Variants in ERC2 observed in about 807,000 individuals in gnomAD.
ERC2 encodes ELKS/RAB6-interacting/CAST family member 2, also known as ERC protein 2.
In ERC2, 42 loss-of-function variants were observed where a neutral mutation model predicts 114.8. The observed-to-expected ratio is 0.37, with a 90% CI of 0.29 to 0.47. The LOEUF (loss-of-function observed/expected upper bound fraction) is 0.47. Ranked by LOEUF, ERC2 falls within the 20% of genes least tolerant of loss-of-function variation. The probability of loss-of-function intolerance (pLI) is 0.99; values close to 1 mark genes in which losing one functional copy is unlikely to be tolerated. For missense variants in ERC2, 939 were observed against 1,150.7 expected, an observed-to-expected ratio of 0.82 and a Z score of 2.66; for synonymous variants, 454 against 425.5, an observed-to-expected ratio of 1.07 and a Z score of -0.82.
intron 3 of ERC2, among the ~76,000 whole-genome samples, chr3:56,290,100 C>A (rs569089082): frequency 3.9e-5 from 6 of 152,154 alleles, no homozygotes; most frequent in Non-Finnish European, 8.8e-5. Flanking sequence ...TCAACATATG[C>A]CCAATGATGT....
At chr3:55,790,736 C>T (rs75803370) in intron 14 of ERC2, among the ~76,000 whole-genome samples, 5,073 of 152,290 alleles carry the variant, frequency 0.033, 127 homozygotes, top group South Asian at 0.085. Context: ...TTCAGTGAAG[C>T]TTGGGACTAA....
intron 2 of ERC2, among the ~76,000 whole-genome samples, chr3:56,370,646 G>A (rs2059330710): frequency 7.0e-6 from 1 of 142,616 alleles, no homozygotes; most frequent in Non-Finnish European, 1.5e-5. Flanking sequence ...CCAGGCTGTA[G>A]TGCAGTGGCG....
intron 6 of ERC2, among the ~76,000 whole-genome samples, chr3:56,126,998 T>C (rs1012460269): frequency 2.6e-5 from 4 of 151,714 alleles, no homozygotes; most frequent in Admixed American, 1.3e-4. Context: ...AAAATCAATA[T>C]ACAAAAATCA....
intron 17 of ERC2, among the ~76,000 whole-genome samples, chr3:55,580,026 T>C (rs2057180309): frequency 1.3e-5 from 2 of 152,196 alleles, no homozygotes; most frequent in Admixed American, 1.3e-4. Context: ...CTCAGGGACA[T>C]AGGAAGAGAA....
chr3:55,558,216 G>A (rs543920547), intron 17 of ERC2, among the ~76,000 whole-genome samples: 1 of 152,274 alleles, frequency 6.6e-6, no homozygotes, highest in African/African-American at 2.4e-5. Context: ...TTGACTAAAT[G>A]CCCTACTATT....
chr3:55,582,538 A>G (rs2057314592), intron 17 of ERC2, among the ~76,000 whole-genome samples: 2 of 152,190 alleles, frequency 1.3e-5, no homozygotes, highest in Admixed American at 6.5e-5. Context: ...TAAATGAATG[A>G]TCTATCTCAA....
At chr3:56,258,990 T>TG (rs56274422) in intron 3 of ERC2, among the ~76,000 whole-genome samples, 1 of 151,196 alleles carries the variant, frequency 6.6e-6, no homozygotes, top group Non-Finnish European at 1.5e-5. Flanking sequence ...TTTTTTTTTT[T>TG]GAGACTGAGT....
intron 14 of ERC2, among the ~76,000 whole-genome samples, chr3:55,844,239 C>T (rs747905309): frequency 7.2e-5 from 11 of 152,092 alleles, no homozygotes; most frequent in Non-Finnish European, 1.5e-4. Flanking sequence ...GGCAAATGTT[C>T]ATCAAAACAC....
intron 2 of ERC2, among the ~76,000 whole-genome samples, chr3:56,433,228 T>C (rs1453128835): frequency 6.8e-6 from 1 of 146,616 alleles, no homozygotes; most frequent in East Asian, 2.0e-4. Flanking sequence ...GAGATGAAGC[T>C]GGAATTTAAA....
At chr3:55,907,708 C>T (rs2064544526) in intron 13 of ERC2, among the ~76,000 whole-genome samples, 1 of 152,176 alleles carries the variant, frequency 6.6e-6, no homozygotes, top group South Asian at 2.1e-4. Flanking sequence ...CACTTACCAG[C>T]TGTGTGACCT....
intron 17 of ERC2, among the ~76,000 whole-genome samples, chr3:55,655,200 G>A (rs145457355): frequency 6.6e-6 from 1 of 152,114 alleles, no homozygotes; most frequent in African/African-American, 2.4e-5. Flanking sequence ...GCCCACAGTG[G>A]TGGCTTGACA....
chr3:56,289,608 T>G (rs1488844172), intron 3 of ERC2, among the ~76,000 whole-genome samples: 1 of 152,150 alleles, frequency 6.6e-6, no homozygotes, highest in African/African-American at 2.4e-5. Context: ...TCACCGTGCC[T>G]CAAACTCTCC....
intron 7 of ERC2, among the ~76,000 whole-genome samples, chr3:56,027,577 T>C (rs145205321): frequency 9.9e-4 from 151 of 152,370 alleles, no homozygotes; most frequent in African/African-American, 3.5e-3. Context: ...CTAATGATTT[T>C]TAACATCTTT....
chr3:56,002,086 G>A (rs1346656502), intron 10 of ERC2, among the ~76,000 whole-genome samples: 1 of 152,070 alleles, frequency 6.6e-6, no homozygotes, highest in Non-Finnish European at 1.5e-5. Context: ...GCTCCAGCAG[G>A]GTTTTAGGAA....
chr3:56,455,077 C>G (rs946682996), intron 1 of ERC2, among the ~76,000 whole-genome samples: 1 of 151,806 alleles, frequency 6.6e-6, no homozygotes, highest in Admixed American at 6.6e-5. Context: ...TTAATTAGTA[C>G]CTAGTTTCAG....
chr3:56,430,992 G>A (rs968737721), intron 2 of ERC2, among the ~76,000 whole-genome samples: 2 of 151,984 alleles, frequency 1.3e-5, no homozygotes, highest in Admixed American at 6.6e-5. Flanking sequence ...TAGCTATGCT[G>A]CTTACCAACT....
Position 56,010,433 on chromosome 3 carries a change from G to GC in ERC2, c.1920+15_1920+16insG, listed in dbSNP as rs2072831436. ...TGAGGACTATCAATGTGGTTCATTT[G>GC]TTTTTCCAGACTCACCTCTTTCTCA... is the stretch of plus-strand genomic sequence containing the variant. On this transcript the variant is annotated intron_variant, in intron 9 of 17. Coordinates refer to ENST00000288221, the MANE Select transcript of ERC2 (RefSeq NM_015576.3). The GC allele has an allele frequency of 1.2e-6, 2 of 1,611,234 alleles. No homozygotes were observed. Among genetic ancestry groups the GC allele is most frequent in the African/African-American group, 2.7e-5 (2 of 74,778 alleles).
intron 15 of ERC2, among the ~76,000 whole-genome samples, chr3:55,733,040 G>A (rs371622640): frequency 5.3e-5 from 8 of 152,262 alleles, no homozygotes; most frequent in East Asian, 3.9e-4. Context: ...GTACTTGGCC[G>A]TAATATCTGG....
chr3:55,737,108 G>A (rs2065683293), intron 14 of ERC2, among the ~76,000 whole-genome samples: 1 of 152,136 alleles, frequency 6.6e-6, no homozygotes, highest in Non-Finnish European at 1.5e-5. Flanking sequence ...TCCATCACCA[G>A]ACCAGGCCCT....
Sources: allele counts gnomAD v4.1 joint callset (sites outside exome capture counted in the v4.1 genomes callset), GRCh38; gene constraint gnomAD v4.1.1; transcripts MANE v1.5; gene names NCBI Gene and HGNC (gene_info 2026-07-23, HGNC 2026-07-21).